The following BRCA2 variants were observed in gnomAD, a reference collection of about 807,000 sequenced individuals.
The protein encoded by BRCA2 is breast cancer type 2 susceptibility protein.
In BRCA2, 203 loss-of-function variants were observed where a neutral mutation model predicts 276.7. The observed-to-expected ratio is 0.73, with a 90% CI of 0.65 to 0.82. BRCA2 has a LOEUF of 0.82. Among genes scored for constraint, BRCA2 ranks in the 40% least tolerant of loss-of-function variants. BRCA2 has a pLI of 0.00. For missense variants in BRCA2, 3,920 were observed against 3,915.0 expected, an observed-to-expected ratio of 1.00 and a Z score of -0.03; for synonymous variants, 1,289 against 1,338.4, an observed-to-expected ratio of 0.96 and a Z score of 0.81.
At chr13:32,356,254 G>C (rs2072693468) in intron 14 of BRCA2, among the ~76,000 whole-genome samples, 174 bp from the exon 15 acceptor site, 1 of 151,666 alleles carries the variant, frequency 6.6e-6, no homozygotes, top group Admixed American at 6.6e-5. Context: ...TTGTTTAGTA[G>C]AGACAGGGTT....
At chr13:32,367,448 A>G (rs1431549418) in intron 18 of BRCA2, among the ~76,000 whole-genome samples, 2 of 151,904 alleles carry the variant, frequency 1.3e-5, no homozygotes, top group Non-Finnish European at 2.9e-5. Context: ...AAGAAAAAAA[A>G]AAGGATAATA....
chr13:32,365,654 G>C (rs879847343), intron 18 of BRCA2, among the ~76,000 whole-genome samples: 3 of 151,228 alleles, frequency 2.0e-5, no homozygotes, highest in Non-Finnish European at 4.4e-5. Context: ...TTGGGATTAC[G>C]GGCATGAGCC....
intron 24 of BRCA2, among the ~76,000 whole-genome samples, chr13:32,384,005 C>T (rs2072942524): frequency 6.6e-6 from 1 of 152,154 alleles, no homozygotes; most frequent in Admixed American, 6.5e-5. Flanking sequence ...TTCCAGGAAA[C>T]ATGACCATCG....
At chr13:32,362,418 A>G (rs895300586) in intron 16 of BRCA2, 105 bp from the exon 17 acceptor site, 7 of 1,113,140 alleles carry the variant, frequency 6.3e-6, no homozygotes, top group East Asian at 4.9e-5. Context: ...TAAAAACTTA[A>G]TGATCTTGAA....
chr13:32,343,975 G>A (rs984785542), intron 11 of BRCA2, among the ~76,000 whole-genome samples: 2 of 152,002 alleles, frequency 1.3e-5, no homozygotes, highest in Non-Finnish European at 2.9e-5. Flanking sequence ...TATTATCTCA[G>A]CATGACATGG....
Position 32,336,450 on chromosome 13 carries a change from C to T in BRCA2, c.2095C>T (p.Gln699Ter), listed in dbSNP as rs878853559. The part of the protein sequence containing the change: ...KEAKCNKEKL[Q>*]LFITPEADSL... ...AGCAAAATGTAATAAGGAAAAACTA[C>T]AGTTATTTATTACCCCAGAAGCTGA... is the stretch of plus-strand genomic sequence containing the variant. The change falls in exon 11 of 27, where the codon CAG becomes TAG. Residue 699 changes from glutamine to a stop codon, truncating the protein, a stop_gained. Transcript: ENST00000380152. LOFTEE classifies it high-confidence loss of function. 1.9e-6 allele frequency: 3 copies of T among 1,613,854 alleles called. No homozygotes were observed. The highest frequency in any genetic ancestry group is 2.2e-5 in the East Asian group (1 of 44,864).
At chr13:32,364,452 A>AT (rs777950822) in intron 18 of BRCA2, among the ~76,000 whole-genome samples, 1 of 152,160 alleles carries the variant, frequency 6.6e-6, no homozygotes, top group Admixed American at 6.6e-5. Context: ...ACTTCCTGCT[A>AT]TGGAAAATGA....
chr13:32,331,093 TTG>T (rs2137462664), intron 9 of BRCA2, 63 bp downstream of exon 9: 2 of 1,216,758 alleles, frequency 1.6e-6, no homozygotes, highest in Non-Finnish European at 2.4e-6. Flanking sequence ...TTTTTTTTTT[TTG>T]AGGTGGAGTC....
rs773802339 is a variant in BRCA2, at chr13:32,326,237, C to T, written c.476-5C>T. On this transcript the variant is annotated splice_region_variant and splice_polypyrimidine_tract_variant and intron_variant, in intron 5 of 26. Coordinates refer to ENST00000380152, the MANE Select transcript of BRCA2 (RefSeq NM_000059.4). ...TTAACAATTTTCCCCTTTTTTTACC[C>T]CCAGTGGTATGTGGGAGTTTGTTTC... is the stretch of plus-strand genomic sequence containing the variant. 6.2e-7 allele frequency: 1 copy of T among 1,613,004 alleles called. No individual in the cohort carries two copies.
rs140693106 is a variant in BRCA2, at chr13:32,356,498, C to G, written c.7506C>G (p.Arg2502=). ...DMRIKKKQRQ[R]VFPQPGSLYL... Reference sequence around the variant, plus strand: ...GAATTAAGAAGAAACAAAGGCAACGCGTCTTTCCACAGCCAGGCAGTCTGT... The same window carrying G: ...GAATTAAGAAGAAACAAAGGCAACGGGTCTTTCCACAGCCAGGCAGTCTGT... The change falls in exon 15 of 27, where the codon CGC becomes CGG. Residue 2502 remains arginine (R), a synonymous_variant. Transcript: ENST00000380152. 8 of 1,614,024 alleles carry G rather than the reference C, an allele frequency of 5.0e-6. No homozygotes were observed. In the Admixed American group the frequency reaches 5.0e-5, roughly 10 times the overall value.
chr13:32,326,086 T>A lies in BRCA2; in HGVS notation c.426-15T>A, dbSNP rs2137449224. On this transcript the variant is annotated splice_polypyrimidine_tract_variant and intron_variant, in intron 4 of 26. Transcript: ENST00000380152. ...TTTTAAAATAACCTAAGGGATTTGCTTTGTTTTATTTTAGTCCTGTTGTTC... is the reference window on the plus strand; with the variant it reads ...TTTTAAAATAACCTAAGGGATTTGCATTGTTTTATTTTAGTCCTGTTGTTC... 1 of 1,603,426 alleles carries A rather than the reference T, an allele frequency of 6.2e-7. No individual in the cohort carries two copies.
rs2137580155 is a variant in BRCA2, at chr13:32,363,239, T to A, written c.8037T>A (p.Asp2679Glu). The change falls in exon 18 of 27, where the codon GAT (aspartate) becomes GAA (glutamate). Residue 2679 changes from aspartate to glutamate, a missense_variant. This residue lies in a region of BRCA2 where 3,263 missense variants were observed against 3,156.9 expected (regional missense o/e 1.03). Transcript: ENST00000380152. ...RSAIKKIMERDDTAAKTLVLC... is the reference protein window; with the variant it reads ...RSAIKKIMEREDTAAKTLVLC... ...CTATAAAAAAGATAATGGAAAGGGA[T>A]GACACAGCTGCAAAAACACTTGTTC... The A allele has an allele frequency of 2.5e-6, 4 of 1,614,066 alleles. No individual in the cohort carries two copies. The highest frequency in any genetic ancestry group is 3.4e-6 in the Non-Finnish European group (4 of 1,179,962).
chr13:32,374,977 G>T (rs544979585), intron 20 of BRCA2, among the ~76,000 whole-genome samples: 193 of 152,336 alleles, frequency 1.3e-3, no homozygotes, highest in African/African-American at 4.4e-3. Context: ...CATGGCTGGG[G>T]AGGCCTCAGG....
intron 8 of BRCA2, among the ~76,000 whole-genome samples, chr13:32,330,334 A>T (rs1031026922): frequency 6.6e-6 from 1 of 152,196 alleles, no homozygotes; most frequent in Non-Finnish European, 1.5e-5. Context: ...AATCTCACAG[A>T]TAGATTTGTT....
In BRCA2 at chr13:32,339,096, G is replaced by A. The variant is rs368952892; in HGVS notation, c.4741G>A (p.Glu1581Lys). Residue 1581 changes from glutamate to lysine, a missense_variant, in exon 11 of 27, where the codon GAG becomes AAG. Physicochemically the swap from Glu to Lys is moderately conservative, Grantham distance 56. This residue lies in a region of BRCA2 where 3,263 missense variants were observed against 3,156.9 expected (regional missense o/e 1.03). Transcript: ENST00000380152. ...EACKDLELAC[E>K]TIEITAAPKC... is the part of the protein sequence containing the mutation. ...CTGTAAAGACCTTGAATTAGCATGT[G>A]AGACCATTGAGATCACAGCTGCCCC... The A allele has an allele frequency of 1.2e-6, 2 of 1,613,804 alleles. No homozygotes were observed. The highest frequency in any genetic ancestry group is 8.5e-7 in the Non-Finnish European group (1 of 1,179,888).
At position 32,398,667 on chromosome 13, in the gene BRCA2, G is replaced by A. The variant is rs80358398; in HGVS notation, c.10154G>A (p.Arg3385His). Residue 3385 changes from arginine (R) to histidine (H), a missense_variant, in exon 27 of 27, where the codon CGT (arginine) becomes CAT (histidine). By Grantham distance (29) the Arg-to-His change is conservative. This residue lies in a region of BRCA2 where 657 missense variants were observed against 758.2 expected (regional missense o/e 0.87). Transcript: ENST00000380152. ...GAAGATTATCTCAGACTGAAACGAC[G>A]TTGTACTACATCTCTGATCAAAGAA... ...SSEDYLRLKR[R>H]CTTSLIKEQE... 3.2e-5 allele frequency: 52 copies of A among 1,614,032 alleles called. No individual in the cohort carries two copies. The highest frequency in any genetic ancestry group is 2.0e-4 in the South Asian group (18 of 91,080).
At chr13:32,383,357 A>G (rs2072938322) in intron 24 of BRCA2, among the ~76,000 whole-genome samples, 1 of 152,178 alleles carries the variant, frequency 6.6e-6, no homozygotes, top group South Asian at 2.1e-4. Flanking sequence ...CTCAAAAAAG[A>G]AAAAGAGAAA....
intron 25 of BRCA2, 116 bp downstream of exon 25, chr13:32,395,049 GT>G (rs11571820): frequency 7.0e-7 from 1 of 1,424,092 alleles, no homozygotes; most frequent in South Asian, 1.2e-5. Flanking sequence ...GTGAGGTAAA[GT>G]TTAATCATAT....
intron 24 of BRCA2, among the ~76,000 whole-genome samples, chr13:32,389,135 A>G (rs905550193): frequency 3.3e-5 from 5 of 152,184 alleles, no homozygotes; most frequent in African/African-American, 1.2e-4. Flanking sequence ...GTCTACTAGT[A>G]TCAATATTCT....
Sources: gnomAD v4.1 joint callset for allele counts (sites outside exome capture counted in the v4.1 genomes callset) on GRCh38, gnomAD v4.1.1 for gene constraint, gnomAD v4.1.1 regional missense constraint, MANE v1.5 for transcripts, NCBI Gene and HGNC (gene_info 2026-07-23, HGNC 2026-07-21) for gene names.